Variants in CACNA1A observed in about 807,000 individuals in gnomAD.
CACNA1A encodes the protein calcium voltage-gated channel subunit alpha1 A.
In CACNA1A, 57 loss-of-function variants were observed where a neutral mutation model predicts 262.4. That is an observed-to-expected ratio of 0.22 (90% CI 0.18 to 0.27). The LOEUF (loss-of-function observed/expected upper bound fraction) is 0.27. Ranked by LOEUF, CACNA1A falls within the 10% of genes least tolerant of loss-of-function variation. CACNA1A has a pLI of 1.00. For missense variants in CACNA1A, 2,526 were observed against 3,562.8 expected, an observed-to-expected ratio of 0.71 and a Z score of 7.41; for synonymous variants, 1,431 against 1,419.3, an observed-to-expected ratio of 1.01 and a Z score of -0.18.
At chr19:13,420,255 G>GCT (rs775619380) in intron 3 of CACNA1A, among the ~76,000 whole-genome samples, 4 of 151,050 alleles carry the variant, frequency 2.6e-5, no homozygotes, top group African/African-American at 4.9e-5. Flanking sequence ...AGAAAGGCTC[G>GCT]CTCTCTCTCT....
intron 1 of CACNA1A, among the ~76,000 whole-genome samples, chr19:13,474,528 C>A (rs1978318040): frequency 2.0e-5 from 3 of 152,138 alleles, no homozygotes; most frequent in African/African-American, 7.2e-5. Context: ...GTTAAAAATG[C>A]AAAGAGTTTG....
intron 21 of CACNA1A, chr19:13,283,871 G>A (rs72993589): frequency 0.085 from 13,052 of 153,502 alleles, 712 homozygotes; most frequent in South Asian, 0.24. Context: ...TAAAATAGCC[G>A]TAATACTAGT....
At chr19:13,285,043 T>A (rs2057370463) in intron 21 of CACNA1A, 25 bp downstream of exon 21, 3 of 1,613,356 alleles carry the variant, frequency 1.9e-6, no homozygotes, top group Non-Finnish European at 2.5e-6. Context: ...AGGCCCCCCC[T>A]GCCCTTGCTG....
rs1353704116 is a variant in CACNA1A, at chr19:13,346,737, T to G, written c.979-10828A>C. On this transcript the variant is annotated intron_variant, in intron 6 of 46. Coordinates refer to ENST00000360228, the MANE Select transcript of CACNA1A (RefSeq NM_001127222.2). Reference sequence around the variant, plus strand: ...CTCTGTTGTCCAGGCTGGAGTGCAGTGGCACGATCTCGGCTAACTGTAACC... The same window carrying G: ...CTCTGTTGTCCAGGCTGGAGTGCAGGGGCACGATCTCGGCTAACTGTAACC... 5.5e-5 allele frequency among the ~76,000 whole-genome samples: 7 copies of G among 127,666 alleles called. 1 individual carries two copies. The Admixed American group carries it at 5.9e-4, about 11-fold the overall frequency. 83.8% of individuals were successfully genotyped at this position (127,666 alleles called of 152,430 possible). A position where few individuals can be genotyped will look rare whatever the true frequency, so the allele number is the denominator to read the frequency against.
In CACNA1A at chr19:13,212,840, ACACACACACT is replaced by A. The variant is rs1219886574; in HGVS notation, c.5941-110_5941-101del. The A allele has an allele frequency of 1.7e-6, 1 of 580,738 alleles. No homozygotes were observed. The highest frequency in any genetic ancestry group is 3.0e-6 in the Non-Finnish European group (1 of 331,252). The allele number at this position is 580,738 out of a possible 1,614,324, so 36.0% of individuals were successfully genotyped here. A position where few individuals can be genotyped will look rare whatever the true frequency, so the allele number is the denominator to read the frequency against. Reference sequence around the variant, plus strand: ...ACATCCCCAGTATACACACACACACACACACACACTCTCTCAGGTCTCATCCATCTAGACC... The same window carrying A: ...ACATCCCCAGTATACACACACACACACTCTCAGGTCTCATCCATCTAGACC... On this transcript the variant is annotated intron_variant, in intron 40 of 46. Transcript: ENST00000360228. This position sits in a 1 kb window ranked among gnomAD's most constrained non-coding sequence, Gnocchi z 5.6.
At chr19:13,382,812 C>T (rs1481924252) in intron 3 of CACNA1A, among the ~76,000 whole-genome samples, 1 of 152,180 alleles carries the variant, frequency 6.6e-6, no homozygotes, top group African/African-American at 2.4e-5. Flanking sequence ...CCATTGATTG[C>T]TGTGCTCCAG....
At chr19:13,320,276 A>G (rs868238112) in intron 10 of CACNA1A, among the ~76,000 whole-genome samples, 1 of 102,530 alleles carries the variant, frequency 9.8e-6, no homozygotes, top group African/African-American at 3.4e-5. Context: ...GAGAGAGAGA[A>G]ACCACAGCAG....
In CACNA1A at chr19:13,286,769, T is replaced by C; in HGVS notation, c.3287A>G (p.Lys1096Arg). Residue 1096 changes from lysine (K) to arginine (R), a missense_variant, in exon 20 of 47, where the codon AAG (lysine) becomes AGG (arginine). By Grantham distance (26) the Lys-to-Arg change is conservative. This residue lies in a region of CACNA1A where 765 missense variants were observed against 748.6 expected (regional missense o/e 1.02). Coordinates refer to ENST00000360228, the MANE Select transcript of CACNA1A (RefSeq NM_001127222.2). Reference sequence around the variant, plus strand: ...GCCGGGGTCGGTGCTGTTTCCCATCTTGGCTGGGCTCTGGGGCAGGCCGGC... The same window carrying C: ...GCCGGGGTCGGTGCTGTTTCCCATCCTGGCTGGGCTCTGGGGCAGGCCGGC... ...GHAGLPQSPA[K>R]MGNSTDPGPM... 1.2e-6 allele frequency: 2 copies of C among 1,611,876 alleles called. No homozygotes were observed. Among genetic ancestry groups the C allele is most frequent in the African/African-American group, 1.3e-5 (1 of 75,022 alleles).
intron 3 of CACNA1A, among the ~76,000 whole-genome samples, chr19:13,413,911 G>GAAAAGA (rs1429238331): frequency 1.3e-4 from 13 of 100,238 alleles, no homozygotes; most frequent in Admixed American, 6.7e-4. Flanking sequence ...AAGAAAGAAA[G>GAAAAGA]AAAGAAAGAA....
In CACNA1A at chr19:13,255,274, C is replaced by T. The variant is rs1390039639; in HGVS notation, c.4591-15G>A. ...ATGCAGGCCCTCTGCGGGAGAGAGG[C>T]CAGTGGTGAGAGCGGCAGAGGCAGG... On this transcript the variant is annotated splice_polypyrimidine_tract_variant and intron_variant, in intron 28 of 46. Transcript: ENST00000360228. The T allele has an allele frequency of 6.3e-7, 1 of 1,577,884 alleles. No homozygotes were observed. Among genetic ancestry groups the T allele is most frequent in the Non-Finnish European group, 8.7e-7 (1 of 1,155,132 alleles).
chr19:13,228,624 A>G (rs1042790533), intron 36 of CACNA1A: 3 of 340,492 alleles, frequency 8.8e-6, no homozygotes, highest in East Asian at 1.2e-4. Context: ...ATATATATAT[A>G]TGAAATATAT....
intron 23 of CACNA1A, among the ~76,000 whole-genome samples, 156 bp from the exon 24 acceptor site, chr19:13,276,112 G>A (rs1037303253): frequency 1.3e-5 from 2 of 152,200 alleles, no homozygotes; most frequent in African/African-American, 4.8e-5. Flanking sequence ...CCAGGGAGGA[G>A]TGGGGAGCCC....
At position 13,317,212 on chromosome 19, in the gene CACNA1A, A is replaced by G. The variant is rs1210845460; in HGVS notation, c.1455T>C (p.Thr485=). 6.2e-7 allele frequency: 1 copy of G among 1,613,776 alleles called. No individual in the cohort carries two copies. The highest frequency in any genetic ancestry group is 1.1e-5 in the South Asian group (1 of 91,048). The change falls in exon 11 of 47, where the codon ACT becomes ACC. Residue 485 remains threonine, a synonymous_variant. Transcript: ENST00000360228. The stretch of plus-strand genomic sequence containing the variant: ...TGAGTACAGTCCAGTAGAAGGCCTG[A>G]GTTTTGACCATGCGGCGGATGTAGA... The part of the protein sequence containing the change: ...MRFYIRRMVK[T]QAFYWTVLSL...
At chr19:13,279,967 C>A (rs1268943116) in intron 22 of CACNA1A, among the ~76,000 whole-genome samples, 1 of 151,752 alleles carries the variant, frequency 6.6e-6, no homozygotes, top group Admixed American at 6.6e-5. Context: ...TGTTACCACG[C>A]CCAGATAATT....
In CACNA1A at chr19:13,214,849, G is replaced by A; in HGVS notation, c.5732-241C>T. 1.9e-6 allele frequency: 1 copy of A among 517,094 alleles called. No individual in the cohort carries two copies. The highest frequency in any genetic ancestry group is 3.5e-6 in the Non-Finnish European group (1 of 289,588). The allele number at this position is 517,094 out of a possible 1,614,324, so 32.0% of individuals were successfully genotyped here. A position where few individuals can be genotyped will look rare whatever the true frequency, so the allele number is the denominator to read the frequency against. ...GAGCAGCTGTGCAGGAGACAGCCCGGCATGGAGAACAGCTGGGCGACCTGG... is the reference window on the plus strand; with the variant it reads ...GAGCAGCTGTGCAGGAGACAGCCCGACATGGAGAACAGCTGGGCGACCTGG... On this transcript the variant is annotated intron_variant, in intron 38 of 46. Coordinates refer to ENST00000360228, the MANE Select transcript of CACNA1A (RefSeq NM_001127222.2). The surrounding 1 kb of genome is among the most constrained non-coding windows in gnomAD (Gnocchi z 4.1).
intron 19 of CACNA1A, among the ~76,000 whole-genome samples, chr19:13,294,769 G>A (rs555140967): frequency 6.6e-6 from 1 of 152,052 alleles, no homozygotes; most frequent in African/African-American, 2.4e-5. Context: ...GATTACAGGC[G>A]TGAACCATCA....
chr19:13,336,597 GA>G (rs879277292), intron 6 of CACNA1A, among the ~76,000 whole-genome samples: 10,296 of 102,984 alleles, frequency 0.1, 662 homozygotes, highest in East Asian at 0.41. Flanking sequence ...GAGAGAGGGA[GA>G]GAGAGAGAGA....
chr19:13,454,191 G>A (rs1282728590), intron 2 of CACNA1A, among the ~76,000 whole-genome samples: 1 of 151,538 alleles, frequency 6.6e-6, no homozygotes, highest in Admixed American at 6.6e-5. Flanking sequence ...CAGCCCCTCT[G>A]CCCTCCCAGA....
At chr19:13,313,351 A>C (rs183015513) in intron 11 of CACNA1A, among the ~76,000 whole-genome samples, 11 of 152,144 alleles carry the variant, frequency 7.2e-5, no homozygotes, top group African/African-American at 2.2e-4. Flanking sequence ...AAATACAAAA[A>C]TTAGCCAGTG....
Sources: gnomAD v4.1 joint callset for allele counts (sites outside exome capture counted in the v4.1 genomes callset) on GRCh38, gnomAD v4.1.1 for gene constraint, gnomAD v4.1.1 regional missense constraint, Gnocchi (gnomAD v3.1) non-coding constraint, MANE v1.5 for transcripts, NCBI Gene and HGNC (gene_info 2026-07-23, HGNC 2026-07-21) for gene names.